Variants in KAZN observed in about 807,000 individuals in gnomAD.
KAZN encodes the protein kazrin, periplakin interacting protein, also known as kazrin.
KAZN carries 40 observed loss-of-function variants against 87.4 expected under a neutral mutation model. The observed-to-expected ratio is 0.46, with a 90% CI of 0.36 to 0.60. KAZN has a LOEUF of 0.60. KAZN is among the 20% of genes least tolerant of loss of function. KAZN has a pLI of 0.00. For synonymous variants in KAZN, 466 were observed against 458.3 expected, an observed-to-expected ratio of 1.02 and a Z score of -0.22; for missense variants, 898 against 1,073.9, an observed-to-expected ratio of 0.84 and a Z score of 2.29.
chr1:14,619,653 C>G (rs143795646), intron 1 of KAZN, among the ~76,000 whole-genome samples: 6 of 152,298 alleles, frequency 3.9e-5, no homozygotes, highest in Admixed American at 1.3e-4. Context: ...TTTAACCACC[C>G]CACACGGAAA....
chr1:13,972,463 G>A (rs1642174788), intron 1 of KAZN, among the ~76,000 whole-genome samples: 3 of 152,070 alleles, frequency 2.0e-5, no homozygotes, highest in Admixed American at 1.3e-4. Context: ...CAGTTGCTAT[G>A]AGCCCAACAG....
chr1:14,999,811 C>T (rs1392199665), intron 2 of KAZN, among the ~76,000 whole-genome samples: 1 of 152,220 alleles, frequency 6.6e-6, no homozygotes, highest in Non-Finnish European at 1.5e-5. Context: ...TGGGCCTCCC[C>T]ACCTCCACAT....
intron 2 of KAZN, among the ~76,000 whole-genome samples, chr1:14,483,959 C>A (rs947079958): frequency 5.9e-5 from 9 of 152,152 alleles, no homozygotes; most frequent in African/African-American, 2.2e-4. Flanking sequence ...AGATAATGGT[C>A]TAATTTGATT....
At chr1:14,622,477 T>C (rs1572068055) in intron 1 of KAZN, among the ~76,000 whole-genome samples, 1 of 151,310 alleles carries the variant, frequency 6.6e-6, no homozygotes, top group South Asian at 2.1e-4. Context: ...GATCACGAGG[T>C]CAGGAGATCG....
chr1:14,657,357 A>G (rs1557868941), intron 1 of KAZN, among the ~76,000 whole-genome samples: 1 of 152,192 alleles, frequency 6.6e-6, no homozygotes. Context: ...TGCTGGGATT[A>G]TAGGCGTGAG....
chr1:13,893,042 C>T (rs141852350), exon 1 of KAZN: 1 of 152,178 alleles, frequency 6.6e-6, no homozygotes, highest in Non-Finnish European at 1.5e-5. Context: ...CCCGCGCTCT[C>T]CCTTTGGCAG....
intron 2 of KAZN, among the ~76,000 whole-genome samples, chr1:14,968,149 C>T (rs1351167718): frequency 6.6e-6 from 1 of 151,922 alleles, no homozygotes; most frequent in Non-Finnish European, 1.5e-5. Context: ...GCTTGTTTTC[C>T]TGCAACTAGA....
intron 2 of KAZN, among the ~76,000 whole-genome samples, chr1:15,010,325 A>G (rs1464513326): frequency 6.9e-6 from 1 of 145,424 alleles, no homozygotes; most frequent in East Asian, 2.0e-4. Flanking sequence ...TTTTTGAAAG[A>G]CTCCTTCAAA....
chr1:15,048,146 C>T (rs1008740102), intron 4 of KAZN, among the ~76,000 whole-genome samples: 1 of 152,234 alleles, frequency 6.6e-6, no homozygotes, highest in Non-Finnish European at 1.5e-5. Flanking sequence ...CGTCCCTCCC[C>T]CCATGTCCTG....
intron 1 of KAZN, among the ~76,000 whole-genome samples, chr1:14,848,416 C>T (rs1218181207): frequency 3.3e-5 from 5 of 152,190 alleles, no homozygotes; most frequent in Non-Finnish European, 7.3e-5. Context: ...TGCCCACCAC[C>T]GTGCCTACCG....
chr1:14,458,063 C>A (rs965452990), intron 2 of KAZN, among the ~76,000 whole-genome samples: 2 of 152,106 alleles, frequency 1.3e-5, no homozygotes, highest in Non-Finnish European at 2.9e-5. Context: ...ACCTCATGAT[C>A]CCCCTGCCTT....
intron 2 of KAZN, among the ~76,000 whole-genome samples, chr1:14,267,833 AC>A (rs1651612904): frequency 6.6e-6 from 1 of 152,094 alleles, no homozygotes. Flanking sequence ...GGTGGTGCAC[AC>A]CTGTAATCCC....
At chr1:14,086,226 G>A (rs1178130231) in intron 1 of KAZN, among the ~76,000 whole-genome samples, 3 of 152,060 alleles carry the variant, frequency 2.0e-5, no homozygotes, top group Admixed American at 6.6e-5. Flanking sequence ...GGGGTACATG[G>A]GTAGGATGTG....
intron 1 of KAZN, among the ~76,000 whole-genome samples, chr1:14,852,277 G>A (rs990375521): frequency 9.8e-5 from 15 of 152,348 alleles, no homozygotes; most frequent in African/African-American, 3.4e-4. Context: ...TAGAAGGTGG[G>A]ATCCAGGTGG....
chr1:14,756,105 A>G (rs1392170919), intron 1 of KAZN, among the ~76,000 whole-genome samples: 1 of 152,134 alleles, frequency 6.6e-6, no homozygotes, highest in African/African-American at 2.4e-5. Flanking sequence ...TCCTCATAAC[A>G]AGCCCATCAC....
At chr1:14,963,080 C>A (rs1251719080) in intron 2 of KAZN, among the ~76,000 whole-genome samples, 1 of 152,218 alleles carries the variant, frequency 6.6e-6, no homozygotes, top group African/African-American at 2.4e-5. Flanking sequence ...ATCCTCCTCC[C>A]TTTAGCCCAC....
At chr1:14,050,987 G>C (rs1418690164) in intron 1 of KAZN, among the ~76,000 whole-genome samples, 1 of 152,212 alleles carries the variant, frequency 6.6e-6, no homozygotes, top group African/African-American at 2.4e-5. Flanking sequence ...CCAGATACCA[G>C]TTAAAAGTAT....
At chr1:14,339,781 A>G (rs1657552185) in intron 2 of KAZN, among the ~76,000 whole-genome samples, 1 of 152,206 alleles carries the variant, frequency 6.6e-6, no homozygotes, top group Admixed American at 6.5e-5. Flanking sequence ...ATAACGTTTG[A>G]CCAGATATCT....
chr1:14,785,658 C>T (rs781021202), intron 1 of KAZN, among the ~76,000 whole-genome samples: 3 of 152,084 alleles, frequency 2.0e-5, no homozygotes, highest in Non-Finnish European at 2.9e-5. Flanking sequence ...TTATTTACCC[C>T]GTCTAAGCCT....
Sources: gnomAD v4.1 joint callset for allele counts (sites outside exome capture counted in the v4.1 genomes callset) on GRCh38, gnomAD v4.1.1 for gene constraint, MANE v1.5 for transcripts, NCBI Gene and HGNC (gene_info 2026-07-23, HGNC 2026-07-21) for gene names.